The following MX1 variants were observed in gnomAD, a reference collection of about 807,000 sequenced individuals.
MX1 encodes MX dynamin like GTPase 1, also known as interferon-induced GTP-binding protein Mx1.
Under a neutral mutation model 66.4 loss-of-function variants are expected in MX1, and 66 were observed. The ratio of observed to expected loss-of-function variants is 0.99; its 90% CI spans 0.82 to 1.22. The LOEUF is 1.22. MX1 is among the 50% of genes most tolerant of loss of function. MX1 has a pLI of 0.00. For synonymous variants in MX1, 311 were observed against 318.1 expected (o/e 0.98, Z 0.24); for missense variants, 787 against 834.3 (o/e 0.94, Z 0.70).
chr21:41,451,438 A>C (rs1233286969), intron 15 of MX1, among the ~76,000 whole-genome samples, 195 bp downstream of exon 15: 2 of 152,254 alleles, frequency 1.3e-5, no homozygotes, highest in Non-Finnish European at 2.9e-5. Flanking sequence ...GGGAGTGCTT[A>C]AACGCACAGA....
At chr21:41,436,901 A>G in intron 6 of MX1, 114 bp from the exon 7 acceptor site, 1 of 1,330,700 alleles carries the variant, frequency 7.5e-7, no homozygotes, top group South Asian at 1.5e-5. Flanking sequence ...GAAAGTTTCC[A>G]GTTTTAAATG....
chr21:41,456,281 A>AC (rs2090957028), intron 16 of MX1, among the ~76,000 whole-genome samples: 1 of 152,108 alleles, frequency 6.6e-6, no homozygotes, highest in Non-Finnish European at 1.5e-5. Context: ...ACAAAACAAA[A>AC]AACAGAAGGA....
chr21:41,452,996 C>T (rs1190670239), intron 16 of MX1, 127 bp downstream of exon 16: 1 of 1,071,254 alleles, frequency 9.3e-7, no homozygotes, highest in Non-Finnish European at 1.4e-6. Flanking sequence ...CCTTGTTAGC[C>T]TCCTGTATTA....
chr21:41,453,588 A>G (rs1275717462), intron 16 of MX1, among the ~76,000 whole-genome samples: 1 of 152,214 alleles, frequency 6.6e-6, no homozygotes, highest in African/African-American at 2.4e-5. Context: ...CTCTGTTAAA[A>G]TATTTGAAAG....
intron 5 of MX1, among the ~76,000 whole-genome samples, chr21:41,435,322 T>A (rs976223729): frequency 6.6e-6 from 1 of 152,242 alleles, no homozygotes; most frequent in African/African-American, 2.4e-5. Flanking sequence ...GAGGGAATTG[T>A]ATGTATTATT....
At chr21:41,452,572 A>C in intron 15 of MX1, 49 bp from the exon 16 acceptor site, 1 of 1,557,634 alleles carries the variant, frequency 6.4e-7, no homozygotes, top group South Asian at 1.2e-5. Context: ...CCTGTGACTC[A>C]GGAATTTGTG....
chr21:41,456,298 G>T (rs1040254033), intron 16 of MX1, among the ~76,000 whole-genome samples: 1 of 152,038 alleles, frequency 6.6e-6, no homozygotes. Context: ...AGGAAAGAAA[G>T]AAATATATGT....
In MX1 at chr21:41,458,750, C is replaced by CCCAGTTAA. The variant is rs1555889605; in HGVS notation, c.1983_1984insAGTTAACC (p.Gly662SerfsTer2). ...GGCTCGGCGCCGGCTTGCCCAGTTCCCCGGTTAACCACACTCTGTCCAGCC... is the reference window on the plus strand; with the variant it reads ...GGCTCGGCGCCGGCTTGCCCAGTTCCCCAGTTAACCGGTTAACCACACTCTGTCCAGCC... On this transcript the variant is annotated stop_gained and frameshift_variant, in exon 17 of 17. Transcript: ENST00000398598. LOFTEE classifies it high-confidence loss of function. The CCCAGTTAA allele has an allele frequency of 1.7e-5, 28 of 1,611,632 alleles. No homozygotes were observed. The African/African-American group carries it at 3.3e-4, about 19-fold the overall frequency.
chr21:41,454,382 T>G (rs1421818640), intron 16 of MX1, among the ~76,000 whole-genome samples: 1 of 152,158 alleles, frequency 6.6e-6, no homozygotes, highest in East Asian at 1.9e-4. Flanking sequence ...CCAGAGTCTT[T>G]TTGGCCAACC....
chr21:41,430,855 A>G (rs1244911592), intron 4 of MX1, among the ~76,000 whole-genome samples: 3 of 152,230 alleles, frequency 2.0e-5, no homozygotes, highest in African/African-American at 7.2e-5. Context: ...TTGTGGGAGT[A>G]AAAGAATGAC....
At chr21:41,452,145 C>T (rs961268709) in intron 15 of MX1, among the ~76,000 whole-genome samples, 3 of 152,198 alleles carry the variant, frequency 2.0e-5, no homozygotes, top group African/African-American at 7.2e-5. Flanking sequence ...CTGTGCCTCT[C>T]CTCAAGGCCT....
intron 5 of MX1, among the ~76,000 whole-genome samples, chr21:41,434,618 A>G (rs752420726): frequency 1.3e-5 from 2 of 151,968 alleles, no homozygotes; most frequent in Non-Finnish European, 2.9e-5. Flanking sequence ...TGTTTTTAGT[A>G]TATATCTTTA....
At chr21:41,445,823 A>T in intron 12 of MX1, 177 bp from the exon 13 acceptor site, 1 of 861,282 alleles carries the variant, frequency 1.2e-6, no homozygotes, top group South Asian at 1.8e-5. Flanking sequence ...TCCCTAAGGC[A>T]GTAAGGGGTG....
At chr21:41,443,680 C>T (rs2090579046) in intron 10 of MX1, 108 bp from the exon 11 acceptor site, 1 of 911,960 alleles carries the variant, frequency 1.1e-6, no homozygotes, top group Non-Finnish European at 1.8e-6. Context: ...GACATTCCAT[C>T]CAGTTGTAAG....
At chr21:41,427,456 T>C (rs1012315923) in intron 2 of MX1, among the ~76,000 whole-genome samples, 152 bp downstream of exon 2, 2 of 152,224 alleles carry the variant, frequency 1.3e-5, no homozygotes, top group Non-Finnish European at 2.9e-5. Flanking sequence ...CTAGACTGAA[T>C]TGGCACATGT....
chr21:41,449,304 TCA>T lies in MX1; in HGVS notation c.1432+10_1432+11del, dbSNP rs1232738429. 1 of 1,606,018 alleles carries T rather than the reference TCA, an allele frequency of 6.2e-7. No individual in the cohort carries two copies. The highest frequency in any genetic ancestry group is 8.5e-7 in the Non-Finnish European group (1 of 1,177,398). On this transcript the variant is annotated intron_variant, in intron 14 of 16. Transcript: ENST00000398598. The stretch of plus-strand genomic sequence containing the variant: ...GCTACACACCGTGACGGGTGAGTGC[TCA>T]GTTTCACCTCTGAGCATTGATTTCT...
rs533610859 is a variant in MX1, at chr21:41,447,428, GA to G, written c.1273+1289del. ...GCTCAGCCCGTAACACCAAGTCCTG[GA>G]ATATTTCCAGCCACAGACAGGCACA... On this transcript the variant is annotated intron_variant, in intron 13 of 16. Transcript: ENST00000398598. Among the ~76,000 whole-genome samples, 559 of 152,314 alleles carry G rather than the reference GA, an allele frequency of 3.7e-3. 4 individuals carry two copies. The highest frequency in any genetic ancestry group is 0.013 in the African/African-American group (527 of 41,568).
Position 41,441,626 on chromosome 21 carries a change from A to G in MX1, c.731-90A>G. On this transcript the variant is annotated intron_variant, in intron 9 of 16. Coordinates refer to ENST00000398598, the MANE Select transcript of MX1 (RefSeq NM_002462.5). This position sits in a 1 kb window ranked among gnomAD's most constrained non-coding sequence, Gnocchi z 4.0. Reference sequence around the variant, plus strand: ...TGTCCTCAAGCAAGGATGGGAGGAAACCCTGGGAGGCCGGGGGCGTGAGCA... The same window carrying G: ...TGTCCTCAAGCAAGGATGGGAGGAAGCCCTGGGAGGCCGGGGGCGTGAGCA... 7 of 1,373,646 alleles carry G rather than the reference A, an allele frequency of 5.1e-6. No homozygotes were observed. In the South Asian group the frequency reaches 6.0e-5, roughly 12 times the overall value. The allele number at this position is 1,373,646 out of a possible 1,614,324, so 85.1% of individuals were successfully genotyped here. A position where few individuals can be genotyped will look rare whatever the true frequency, so the allele number is the denominator to read the frequency against.
chr21:41,445,943 C>T, intron 12 of MX1, 57 bp from the exon 13 acceptor site: 1 of 1,596,532 alleles, frequency 6.3e-7, no homozygotes, highest in African/African-American at 1.3e-5. Context: ...CTCCAAATGA[C>T]CTTGACACTT....
Sources: gnomAD v4.1 joint callset for allele counts (sites outside exome capture counted in the v4.1 genomes callset) on GRCh38, gnomAD v4.1.1 for gene constraint, Gnocchi (gnomAD v3.1) non-coding constraint, MANE v1.5 for transcripts, NCBI Gene and HGNC (gene_info 2026-07-23, HGNC 2026-07-21) for gene names.